The following CSNK1G1 variants were observed in gnomAD, a reference collection of about 807,000 sequenced individuals.
CSNK1G1 encodes casein kinase 1 gamma 1, also known as casein kinase I isoform gamma-1.
Under a neutral mutation model 59.6 loss-of-function variants are expected in CSNK1G1, and 22 were observed. The ratio of observed to expected loss-of-function variants is 0.37; its 90% CI spans 0.26 to 0.53. The LOEUF (loss-of-function observed/expected upper bound fraction) is 0.53. Among genes scored for constraint, CSNK1G1 ranks in the 20% least tolerant of loss-of-function variants. The probability of loss-of-function intolerance (pLI) is 0.89; values close to 1 mark genes in which losing one functional copy is unlikely to be tolerated. For synonymous variants in CSNK1G1, 179 were observed against 177.1 expected (o/e 1.01, Z -0.08); for missense variants, 384 against 519.5 (o/e 0.74, Z 2.54).
intron 4 of CSNK1G1, among the ~76,000 whole-genome samples, chr15:64,218,421 C>G (rs1368314323): frequency 6.7e-6 from 1 of 149,438 alleles, no homozygotes; most frequent in Non-Finnish European, 1.5e-5. Flanking sequence ...TAGACAGAGT[C>G]TCATTCTGTC....
chr15:64,355,783 C>T (rs983269810), intron 1 of CSNK1G1, among the ~76,000 whole-genome samples: 1 of 152,162 alleles, frequency 6.6e-6, no homozygotes, highest in East Asian at 1.9e-4. Context: ...ACCCCGCTAA[C>T]CGAAACTCTC....
At chr15:64,354,503 G>A (rs1296723707) in intron 1 of CSNK1G1, among the ~76,000 whole-genome samples, 1 of 152,062 alleles carries the variant, frequency 6.6e-6, no homozygotes, top group Non-Finnish European at 1.5e-5. Context: ...CAATAAATGG[G>A]CCATATTCTA....
At chr15:64,250,875 G>T (rs1308677027) in intron 4 of CSNK1G1, among the ~76,000 whole-genome samples, 1 of 152,170 alleles carries the variant, frequency 6.6e-6, no homozygotes, top group Non-Finnish European at 1.5e-5. Flanking sequence ...AAATAGCTCT[G>T]AAAGATTTCA....
intron 2 of CSNK1G1, among the ~76,000 whole-genome samples, chr15:64,296,937 C>CTTTTTTTTTT (rs960068624): frequency 3.4e-3 from 303 of 89,688 alleles, no homozygotes; most frequent in African/African-American, 6.8e-3. Flanking sequence ...ACTATCGTTA[C>CTTTTTTTTTT]TTTTTTTTTT....
intron 2 of CSNK1G1, among the ~76,000 whole-genome samples, chr15:64,262,562 T>C (rs1892751717): frequency 6.6e-6 from 1 of 152,114 alleles, no homozygotes; most frequent in East Asian, 1.9e-4. Flanking sequence ...TCCACTAAGC[T>C]AAGGACAGGT....
chr15:64,192,773 G>A (rs576113099), intron 10 of CSNK1G1, among the ~76,000 whole-genome samples: 6 of 144,064 alleles, frequency 4.2e-5, no homozygotes, highest in Admixed American at 2.2e-4. Flanking sequence ...AACCCAGGAG[G>A]CAGAGGTTGC....
At chr15:64,251,692 A>AT in intron 3 of CSNK1G1, 111 bp from the exon 4 acceptor site, 1 of 712,944 alleles carries the variant, frequency 1.4e-6, no homozygotes, top group Middle Eastern at 3.8e-4. Context: ...TAGAGATAAT[A>AT]TCCATATATA....
Position 64,216,846 on chromosome 15 carries a change from T to A in CSNK1G1, c.293-133A>T. ...GATTTCCATTTTCTTTCATAGTCCC[T>A]ACTGGAAACTCAAACTGAGCACAAC... On this transcript the variant is annotated intron_variant, in intron 4 of 11. Coordinates refer to ENST00000303052, the MANE Select transcript of CSNK1G1 (RefSeq NM_022048.5). The surrounding 1 kb of genome is among the most constrained non-coding windows in gnomAD (Gnocchi z 4.6). 2 of 817,752 alleles carry A rather than the reference T, an allele frequency of 2.4e-6. No homozygotes were observed. The highest frequency in any genetic ancestry group is 3.7e-6 in the Non-Finnish European group (2 of 537,254). 50.7% of individuals were successfully genotyped at this position (817,752 alleles called of 1,614,324 possible). A position where few individuals can be genotyped will look rare whatever the true frequency, so the allele number is the denominator to read the frequency against.
At chr15:64,239,624 T>C (rs531816476) in intron 4 of CSNK1G1, among the ~76,000 whole-genome samples, 3 of 152,192 alleles carry the variant, frequency 2.0e-5, no homozygotes, top group African/African-American at 7.2e-5. Context: ...ATCGATCCAC[T>C]TGCCTTGGCC....
chr15:64,351,748 G>A (rs1007926534), intron 1 of CSNK1G1, among the ~76,000 whole-genome samples: 8 of 152,044 alleles, frequency 5.3e-5, no homozygotes, highest in South Asian at 4.2e-4. Context: ...GTATGCTGGC[G>A]CACACCTGTA....
intron 4 of CSNK1G1, among the ~76,000 whole-genome samples, chr15:64,243,538 T>C (rs550729575): frequency 5.9e-5 from 9 of 152,112 alleles, no homozygotes; most frequent in African/African-American, 2.2e-4. Context: ...GTACTAGAAG[T>C]ACTATCCAGA....
intron 1 of CSNK1G1, among the ~76,000 whole-genome samples, chr15:64,351,559 A>T (rs1898286571): frequency 6.6e-6 from 1 of 152,212 alleles, no homozygotes. Context: ...TCTAGCAGCT[A>T]GTATACTATC....
chr15:64,344,224 A>T (rs1300106269), intron 1 of CSNK1G1, among the ~76,000 whole-genome samples: 1 of 152,142 alleles, frequency 6.6e-6, no homozygotes, highest in Non-Finnish European at 1.5e-5. Context: ...AGATGCTGAA[A>T]CTCTGAATAG....
chr15:64,252,633 A>G (rs2140320370), intron 3 of CSNK1G1, among the ~76,000 whole-genome samples: 1 of 152,340 alleles, frequency 6.6e-6, no homozygotes, highest in Non-Finnish European at 1.5e-5. Flanking sequence ...AATATTATGA[A>G]CAATGCTTTT....
intron 1 of CSNK1G1, among the ~76,000 whole-genome samples, chr15:64,326,832 C>T (rs1285203793): frequency 1.3e-5 from 2 of 150,854 alleles, no homozygotes; most frequent in African/African-American, 4.9e-5. Context: ...GTGCGCGAGC[C>T]GAAGCAGGGC....
intron 4 of CSNK1G1, among the ~76,000 whole-genome samples, chr15:64,248,535 A>G (rs192729086): frequency 3.9e-5 from 6 of 152,302 alleles, no homozygotes; most frequent in Admixed American, 2.6e-4. Context: ...CTTGTTTTCA[A>G]GGAGCTTATA....
At chr15:64,249,733 C>T (rs775383135) in intron 4 of CSNK1G1, among the ~76,000 whole-genome samples, 6 of 152,190 alleles carry the variant, frequency 3.9e-5, no homozygotes, top group African/African-American at 7.2e-5. Context: ...CTGTTTACTC[C>T]TCGCTTTCAG....
intron 2 of CSNK1G1, among the ~76,000 whole-genome samples, chr15:64,292,499 A>C (rs1021510417): frequency 2.7e-4 from 41 of 152,240 alleles, no homozygotes; most frequent in Non-Finnish European, 1.0e-4. Context: ...ATTTTGTTGT[A>C]TGCAAGTAAA....
At chr15:64,309,954 C>CT (rs11459169) in intron 1 of CSNK1G1, among the ~76,000 whole-genome samples, 114,528 of 148,632 alleles carry the variant, frequency 0.77, 45,220 homozygotes, top group East Asian at 0.91. Flanking sequence ...TACAAACAGA[C>CT]TTTTTTTTTT....
Sources: gnomAD v4.1 joint callset for allele counts (sites outside exome capture counted in the v4.1 genomes callset) on GRCh38, gnomAD v4.1.1 for gene constraint, Gnocchi (gnomAD v3.1) non-coding constraint, MANE v1.5 for transcripts, NCBI Gene and HGNC (gene_info 2026-07-23, HGNC 2026-07-21) for gene names.